The following CAPZB variants were observed in gnomAD, a reference collection of about 807,000 sequenced individuals.
CAPZB encodes the protein capping actin protein of muscle Z-line subunit beta.
A neutral mutation model predicts 38.1 loss-of-function variants in CAPZB; 2 were observed. The observed-to-expected ratio is 0.05, with a 90% CI of 0.02 to 0.17. The LOEUF (loss-of-function observed/expected upper bound fraction) is 0.17. Among genes scored for constraint, CAPZB ranks in the 10% least tolerant of loss-of-function variants. The pLI, the probability that CAPZB is intolerant of heterozygous loss-of-function variation, is 1.00. For synonymous variants in CAPZB, 107 were observed against 127.4 expected (o/e 0.84, Z 1.08); for missense variants, 161 against 334.2 (o/e 0.48, Z 4.04).
intron 1 of CAPZB, among the ~76,000 whole-genome samples, chr1:19,453,266 T>C (rs2094522537): frequency 6.6e-6 from 1 of 152,152 alleles, no homozygotes; most frequent in African/African-American, 2.4e-5. Context: ...TCTATTTTTT[T>C]GTTTTGTTTT....
intron 4 of CAPZB, among the ~76,000 whole-genome samples, chr1:19,363,290 T>G (rs2094064384): frequency 1.5e-5 from 2 of 132,128 alleles, no homozygotes; most frequent in Admixed American, 8.7e-5. Flanking sequence ...AGAGACAGGG[T>G]CTTGCTATGT....
At chr1:19,446,351 G>T (rs192006066) in intron 1 of CAPZB, among the ~76,000 whole-genome samples, 1 of 152,162 alleles carries the variant, frequency 6.6e-6, no homozygotes, top group South Asian at 2.1e-4. Context: ...AAAAGCCATC[G>T]GCAAAAGTTA....
At chr1:19,425,761 A>G (rs1297012172) in intron 1 of CAPZB, among the ~76,000 whole-genome samples, 1 of 152,252 alleles carries the variant, frequency 6.6e-6, no homozygotes, top group East Asian at 1.9e-4. Context: ...GTGTTCAGAC[A>G]TCCGACGGTA....
At chr1:19,377,739 G>A (rs2094150979) in intron 4 of CAPZB, among the ~76,000 whole-genome samples, 1 of 152,234 alleles carries the variant, frequency 6.6e-6, no homozygotes, top group South Asian at 2.1e-4. Context: ...ATGAGATTCT[G>A]TTGATTATGG....
At chr1:19,484,475 C>G (rs1053367721) in intron 1 of CAPZB, 15 of 1,441,824 alleles carry the variant, frequency 1.0e-5, no homozygotes, top group African/African-American at 1.4e-5. Flanking sequence ...GCGGCAGCCT[C>G]GAGAAGGGCC....
intron 1 of CAPZB, among the ~76,000 whole-genome samples, chr1:19,466,382 G>A (rs947227804): frequency 3.3e-5 from 5 of 152,186 alleles, no homozygotes; most frequent in East Asian, 1.9e-4. Flanking sequence ...AGCAGCACAC[G>A]TGAAGACAAA....
chr1:19,433,478 G>A (rs1045812220), intron 1 of CAPZB, among the ~76,000 whole-genome samples: 5 of 152,204 alleles, frequency 3.3e-5, no homozygotes, highest in African/African-American at 1.2e-4. Flanking sequence ...AGATGGCCTA[G>A]ATGAAATCTA....
intron 2 of CAPZB, among the ~76,000 whole-genome samples, chr1:19,402,540 C>CA (rs1191122381): frequency 6.6e-6 from 1 of 152,238 alleles, no homozygotes; most frequent in African/African-American, 2.4e-5. Flanking sequence ...AATCAAAACT[C>CA]AAAGCTCACT....
At chr1:19,404,590 G>A (rs1184138467) in intron 2 of CAPZB, among the ~76,000 whole-genome samples, 2 of 149,752 alleles carry the variant, frequency 1.3e-5, no homozygotes, top group Non-Finnish European at 3.0e-5. Flanking sequence ...ATGCTCGCTT[G>A]TCATTGCAAG....
chr1:19,353,274 G>A (rs763729033), intron 6 of CAPZB, among the ~76,000 whole-genome samples: 16 of 152,146 alleles, frequency 1.1e-4, no homozygotes, highest in East Asian at 1.9e-4. Flanking sequence ...CCTGACACAC[G>A]TGGGGCAAGG....
At chr1:19,395,387 C>T (rs184384039) in intron 2 of CAPZB, among the ~76,000 whole-genome samples, 100 of 152,300 alleles carry the variant, frequency 6.6e-4, no homozygotes, top group African/African-American at 2.3e-3. Flanking sequence ...TTTTCTCAGA[C>T]AGGTGCCCTG....
At chr1:19,469,111 G>A (rs905016413) in intron 1 of CAPZB, among the ~76,000 whole-genome samples, 4 of 152,306 alleles carry the variant, frequency 2.6e-5, no homozygotes, top group Non-Finnish European at 2.9e-5. Flanking sequence ...ACAGGGAGAC[G>A]GGTACGAAGG....
chr1:19,482,251 A>AC (rs2094632022), intron 1 of CAPZB, among the ~76,000 whole-genome samples: 1 of 152,258 alleles, frequency 6.6e-6, no homozygotes, highest in Admixed American at 6.5e-5. Context: ...ACTTTTTATA[A>AC]GCATGCCACC....
intron 1 of CAPZB, among the ~76,000 whole-genome samples, chr1:19,462,056 G>A (rs774564460): frequency 2.1e-4 from 32 of 152,222 alleles, no homozygotes; most frequent in Non-Finnish European, 3.7e-4. Flanking sequence ...TGAGGAAGGA[G>A]GATCACCTGA....
At chr1:19,418,974 G>A (rs2094391165) in intron 2 of CAPZB, among the ~76,000 whole-genome samples, 1 of 152,210 alleles carries the variant, frequency 6.6e-6, no homozygotes, top group Admixed American at 6.5e-5. Flanking sequence ...TCACTGCCAA[G>A]TGATCAGGGT....
chr1:19,477,013 A>C (rs1363733612), intron 1 of CAPZB, among the ~76,000 whole-genome samples: 1 of 152,024 alleles, frequency 6.6e-6, no homozygotes, highest in Admixed American at 6.6e-5. Flanking sequence ...AAGTTACTAC[A>C]CCTCTCTGAG....
intron 1 of CAPZB, among the ~76,000 whole-genome samples, chr1:19,420,610 G>T (rs1404912897): frequency 6.6e-6 from 1 of 151,216 alleles, no homozygotes; most frequent in Non-Finnish European, 1.5e-5. Flanking sequence ...GGGGGGGAGG[G>T]GGGGAACATG....
chr1:19,420,066 A>C (rs2094395455), intron 1 of CAPZB: 2 of 298,758 alleles, frequency 6.7e-6, no homozygotes, highest in African/African-American at 2.2e-5. Flanking sequence ...GTGGCTGCAG[A>C]TGTCGTGCCC....
At chr1:19,469,164 G>A (rs1345639773) in intron 1 of CAPZB, among the ~76,000 whole-genome samples, 2 of 152,178 alleles carry the variant, frequency 1.3e-5, no homozygotes, top group African/African-American at 4.8e-5. Flanking sequence ...GACGGGATAG[G>A]GCCAAGCCCT....
Sources: allele counts gnomAD v4.1 joint callset (sites outside exome capture counted in the v4.1 genomes callset), GRCh38; gene constraint gnomAD v4.1.1; transcripts MANE v1.5; gene names NCBI Gene and HGNC (gene_info 2026-07-23, HGNC 2026-07-21).